PACS1: variants seen among roughly 807,000 people sequenced by gnomAD.
PACS1 encodes phosphofurin acidic cluster sorting protein 1, also known as PACS-1.
PACS1 carries 24 observed loss-of-function variants against 115.0 expected under a neutral mutation model. That is an observed-to-expected ratio of 0.21 (90% CI 0.15 to 0.29). The LOEUF is 0.29. PACS1 is among the 10% of genes least tolerant of loss of function. The probability of loss-of-function intolerance (pLI) is 1.00; values close to 1 mark genes in which losing one functional copy is unlikely to be tolerated. For synonymous variants in PACS1, 453 were observed against 504.5 expected (o/e 0.90, Z 1.37); for missense variants, 838 against 1,251.2 (o/e 0.67, Z 4.98).
chr11:66,148,409 A>G (rs1859170906), intron 1 of PACS1, among the ~76,000 whole-genome samples: 1 of 152,158 alleles, frequency 6.6e-6, no homozygotes, highest in African/African-American at 2.4e-5. Context: ...GGCCTCCCAG[A>G]GTGCTGGCAT....
chr11:66,191,147 C>T lies in PACS1; in HGVS notation c.357-2339C>T, dbSNP rs920878497. Among the ~76,000 whole-genome samples, 3 of 152,190 alleles carry T rather than the reference C, an allele frequency of 2.0e-5. No individual in the cohort carries two copies. The South Asian group carries it at 6.2e-4, about 32-fold the overall frequency. On this transcript the variant is annotated intron_variant, in intron 1 of 23. Coordinates refer to ENST00000320580, the MANE Select transcript of PACS1 (RefSeq NM_018026.4). ...AGGAAGGACTGTTTTCTTGCCTTTT[C>T]CTGCTTCTTGAGGCTGCATATTCCT...
intron 10 of PACS1, among the ~76,000 whole-genome samples, chr11:66,226,672 A>T (rs1411487184): frequency 6.6e-6 from 1 of 152,168 alleles, no homozygotes; most frequent in East Asian, 1.9e-4. Flanking sequence ...TCTCAGTATT[A>T]TATGATTGAC....
At chr11:66,229,957 CAA>C (rs34895785) in intron 11 of PACS1, among the ~76,000 whole-genome samples, 3 of 134,588 alleles carry the variant, frequency 2.2e-5, no homozygotes, top group Non-Finnish European at 1.6e-5. Context: ...AAGTCCATCC[CAA>C]AAAAAAAAAA....
intron 1 of PACS1, among the ~76,000 whole-genome samples, chr11:66,102,264 G>T (rs1378170239): frequency 6.6e-6 from 1 of 152,050 alleles, no homozygotes; most frequent in Non-Finnish European, 1.5e-5. Flanking sequence ...ACAGACACGT[G>T]ATTCTGACCC....
At chr11:66,226,757 C>T (rs1028722565) in intron 10 of PACS1, among the ~76,000 whole-genome samples, 1 of 152,156 alleles carries the variant, frequency 6.6e-6, no homozygotes, top group African/African-American at 2.4e-5. Flanking sequence ...TGGTTCCCTA[C>T]AAGAAACAAA....
At chr11:66,174,027 G>A (rs1024492805) in intron 1 of PACS1, among the ~76,000 whole-genome samples, 62 of 152,168 alleles carry the variant, frequency 4.1e-4, no homozygotes, top group African/African-American at 1.5e-3. Context: ...ACTCCAGCTG[G>A]GCAACGGAGC....
intron 1 of PACS1, among the ~76,000 whole-genome samples, chr11:66,190,460 C>T (rs1453442725): frequency 6.6e-6 from 1 of 152,220 alleles, no homozygotes; most frequent in Non-Finnish European, 1.5e-5. Context: ...GAGTCTCCCT[C>T]TGTCACCCAG....
intron 1 of PACS1, among the ~76,000 whole-genome samples, chr11:66,103,997 A>G (rs1438517928): frequency 6.6e-6 from 1 of 151,892 alleles, no homozygotes; most frequent in African/African-American, 2.4e-5. Context: ...TTCTTTTGTA[A>G]TAATTTCAAT....
chr11:66,239,305 C>A, intron 21 of PACS1, 28 bp downstream of exon 21: 2 of 1,591,388 alleles, frequency 1.3e-6, no homozygotes, highest in Non-Finnish European at 1.7e-6. Flanking sequence ...ACCTGTCCTG[C>A]CATGCCCTCC....
rs546623808 is a variant in PACS1, at chr11:66,158,419, C to T, written c.357-35067C>T. Among the ~76,000 whole-genome samples, 13 of 152,316 alleles carry T rather than the reference C, an allele frequency of 8.5e-5. No homozygotes were observed. The South Asian group carries it at 1.2e-3, about 15-fold the overall frequency. Reference sequence around the variant, plus strand: ...GCAGTAAAGCAGTTGGAAGATAGGCCGGGCGTGGTGGCTTACAACTGTAAT... The same window carrying T: ...GCAGTAAAGCAGTTGGAAGATAGGCTGGGCGTGGTGGCTTACAACTGTAAT... On this transcript the variant is annotated intron_variant, in intron 1 of 23. Transcript: ENST00000320580.
chr11:66,073,126 T>C (rs9667583), intron 1 of PACS1, among the ~76,000 whole-genome samples: 148,202 of 152,338 alleles, frequency 0.97, 72,228 homozygotes, highest in Middle Eastern at 1. Context: ...ACATTGTTTT[T>C]CATCCATCAC....
At position 66,211,798 on chromosome 11, in the gene PACS1, A is replaced by G. The variant is rs142543632; in HGVS notation, c.660+539A>G. On this transcript the variant is annotated intron_variant, in intron 4 of 23. Coordinates refer to ENST00000320580, the MANE Select transcript of PACS1 (RefSeq NM_018026.4). ...CGTCTAACCCACAGTCCCTATTCGG[A>G]TTGTGCTGAGTGTCTCAGTGATACC... Among the ~76,000 whole-genome samples the G allele has an allele frequency of 3.2e-4, 48 of 152,254 alleles. 2 individuals are homozygous for G. Among genetic ancestry groups the G allele is most frequent in the African/African-American group, 1.1e-3 (46 of 41,544 alleles).
At chr11:66,231,077 G>A in intron 13 of PACS1, 137 bp downstream of exon 13, 1 of 1,117,374 alleles carries the variant, frequency 8.9e-7, no homozygotes, top group Non-Finnish European at 1.3e-6. Flanking sequence ...AACTCTTGAA[G>A]AAAGACTAAA....
chr11:66,154,044 G>T lies in PACS1; in HGVS notation c.357-39442G>T, dbSNP rs374350074. 3.7e-3 allele frequency among the ~76,000 whole-genome samples: 564 copies of T among 152,242 alleles called. 2 individuals carry two copies. Among genetic ancestry groups the T allele is most frequent in the African/African-American group, 0.012 (512 of 41,546 alleles). On this transcript the variant is annotated intron_variant, in intron 1 of 23. Transcript: ENST00000320580. ...CAAATGAAATAAATTTTAAGATGAG[G>T]AATATTGCTAGAGATTAAGGATACT...
At chr11:66,137,791 G>C (rs1379932004) in intron 1 of PACS1, among the ~76,000 whole-genome samples, 2 of 152,194 alleles carry the variant, frequency 1.3e-5, no homozygotes, top group African/African-American at 4.8e-5. Context: ...AGTGCTTAGG[G>C]TTTTGGTTTC....
intron 2 of PACS1, among the ~76,000 whole-genome samples, chr11:66,194,150 G>A (rs1854595599): frequency 6.6e-6 from 1 of 152,098 alleles, no homozygotes; most frequent in Non-Finnish European, 1.5e-5. Flanking sequence ...ATTTTTAGTA[G>A]AGACAGGGTT....
chr11:66,136,288 C>T (rs61891828), intron 1 of PACS1, among the ~76,000 whole-genome samples: 1 of 149,208 alleles, frequency 6.7e-6, no homozygotes, highest in Admixed American at 6.7e-5. Context: ...CACACACACG[C>T]CAAGAATGTG....
chr11:66,186,852 G>A (rs1854386711), intron 1 of PACS1, among the ~76,000 whole-genome samples: 1 of 123,744 alleles, frequency 8.1e-6, no homozygotes, highest in South Asian at 2.4e-4. Flanking sequence ...TGGTGTGTAG[G>A]CCCGTAACGT....
intron 1 of PACS1, among the ~76,000 whole-genome samples, chr11:66,096,525 G>A (rs1243264227): frequency 4.9e-5 from 7 of 141,470 alleles, no homozygotes; most frequent in East Asian, 2.0e-4. Context: ...TTTTTGAGAC[G>A]GGAGTTTCAC....
Sources: allele counts gnomAD v4.1 joint callset (sites outside exome capture counted in the v4.1 genomes callset), GRCh38; gene constraint gnomAD v4.1.1; transcripts MANE v1.5; gene names NCBI Gene and HGNC (gene_info 2026-07-23, HGNC 2026-07-21).